The following SENP1 variants were observed in gnomAD, a reference collection of about 807,000 sequenced individuals.
SENP1 encodes sentrin-specific protease 1.
Under a neutral mutation model 93.0 loss-of-function variants are expected in SENP1, and 21 were observed. The observed-to-expected ratio is 0.23, with a 90% CI of 0.16 to 0.33. SENP1 has a LOEUF of 0.33. SENP1 is among the 10% of genes least tolerant of loss of function. The pLI is 1.00. For missense variants in SENP1, 591 were observed against 758.7 expected (o/e 0.78, Z 2.60); for synonymous variants, 256 against 259.6 (o/e 0.99, Z 0.13).
intron 5 of SENP1, chr12:48,085,567 G>C: frequency 2.2e-6 from 1 of 463,302 alleles, no homozygotes; most frequent in Non-Finnish European, 3.8e-6. Flanking sequence ...GGCTAGGTGA[G>C]GCGCTTCTAG....
At chr12:48,048,798 T>C (rs1391508716) in intron 14 of SENP1, 131 bp downstream of exon 14, 1 of 649,696 alleles carries the variant, frequency 1.5e-6, no homozygotes, top group Non-Finnish European at 2.7e-6. Context: ...TATCTGATTT[T>C]AGTCAACCTA....
chr12:48,093,481 A>G (rs1006283646), intron 4 of SENP1, among the ~76,000 whole-genome samples: 1 of 151,842 alleles, frequency 6.6e-6, no homozygotes. Flanking sequence ...ACAGGGTTTT[A>G]CCATGTTGGC....
rs571946781 is a variant in SENP1 at position 48,095,702 on chromosome 12, C to G, written c.220+641G>C. The stretch of plus-strand genomic sequence containing the variant: ...ACAGCCAAGAGGCTAACCAACAAAA[C>G]TCTTAGTTTCTCAAGGCAGGGGCAG... On this transcript the variant is annotated intron_variant, in intron 4 of 17. Coordinates refer to ENST00000549518, the MANE Select transcript of SENP1 (RefSeq NM_001267594.2). 2.7e-4 allele frequency among the ~76,000 whole-genome samples: 41 copies of G among 152,168 alleles called. 1 individual carries two copies. The highest frequency in any genetic ancestry group is 9.9e-4 in the African/African-American group (41 of 41,504).
intron 1 of SENP1, among the ~76,000 whole-genome samples, chr12:48,104,228 T>A (rs796200810): frequency 0.039 from 1,065 of 27,462 alleles, 14 homozygotes; most frequent in African/African-American, 0.17. Flanking sequence ...AAGAAAAAAA[T>A]ATATATAGAG....
chr12:48,085,007 G>C, intron 5 of SENP1: 1 of 846,016 alleles, frequency 1.2e-6, no homozygotes, highest in South Asian at 1.8e-5. Context: ...TGTTAAGAAT[G>C]GGGAAATGAG....
At position 48,065,094 on chromosome 12, in the gene SENP1, T is replaced by C. The variant is rs745483333; in HGVS notation, c.1246A>G (p.Ser416Gly). Residue 416 changes from serine (S) to glycine (G), a missense_variant, in exon 12 of 18, where the codon AGT (serine) becomes GGT (glycine). This residue lies in a region of SENP1 where 238 missense variants were observed against 259.1 expected (regional missense o/e 0.92). Coordinates refer to ENST00000549518, the MANE Select transcript of SENP1 (RefSeq NM_001267594.2). ...GTAATTTCAGGAAATTCATCTTCAC[T>C]ATCAGTTAATTTATGACCTTTTTTT... ...TQKKGHKLTD[S>G]EDEFPEITEE... The C allele has an allele frequency of 1.2e-5, 19 of 1,604,070 alleles. No individual in the cohort carries two copies. The South Asian group carries it at 2.1e-4, about 18-fold the overall frequency.
intron 9 of SENP1, among the ~76,000 whole-genome samples, chr12:48,068,630 G>C (rs1267319052): frequency 6.6e-6 from 1 of 151,968 alleles, no homozygotes; most frequent in Admixed American, 6.6e-5. Context: ...ATAAGTACTT[G>C]GGCTACTCAA....
In SENP1 at chr12:48,063,856, G is replaced by C; in HGVS notation, c.1276-15C>G. The C allele has an allele frequency of 6.2e-7, 1 of 1,602,914 alleles. No homozygotes were observed. The highest frequency in any genetic ancestry group is 8.5e-7 in the Non-Finnish European group (1 of 1,176,136). On this transcript the variant is annotated splice_polypyrimidine_tract_variant and intron_variant, in intron 12 of 17. Transcript: ENST00000549518. ...TTCTCCATTTCCTAAGAAAACAAAA[G>C]GTGTCAAGACATCAAACACGCGTGG...
chr12:48,063,927 A>G (rs1943124546), intron 12 of SENP1, 86 bp from the exon 13 acceptor site: 1 of 1,244,294 alleles, frequency 8.0e-7, no homozygotes, highest in Non-Finnish European at 1.1e-6. Flanking sequence ...TAATCCTCAG[A>G]CTATATTTAT....
At chr12:48,056,918 AAT>A (rs1161311878) in intron 13 of SENP1, among the ~76,000 whole-genome samples, 1 of 31,020 alleles carries the variant, frequency 3.2e-5, no homozygotes, top group Non-Finnish European at 4.4e-5. Context: ...TTACATATAT[AAT>A]ATATTATTTA....
At chr12:48,076,442 A>T (rs1944087672) in intron 6 of SENP1, among the ~76,000 whole-genome samples, 1 of 151,688 alleles carries the variant, frequency 6.6e-6, no homozygotes, top group Non-Finnish European at 1.5e-5. Flanking sequence ...CTCCTGCCTC[A>T]GCCTCTGGAC....
At chr12:48,103,170 T>G (rs112815651) in intron 1 of SENP1, among the ~76,000 whole-genome samples, 2,933 of 152,310 alleles carry the variant, frequency 0.019, 70 homozygotes, top group African/African-American at 0.048. Context: ...AAAAGCTTGG[T>G]GCCCAACAGA....
chr12:48,101,281 G>A (rs553968071), intron 2 of SENP1, among the ~76,000 whole-genome samples, 188 bp downstream of exon 2: 6 of 152,248 alleles, frequency 3.9e-5, no homozygotes, highest in East Asian at 1.9e-4. Flanking sequence ...GCAAGACTAC[G>A]TTTCAAAAAT....
At position 48,066,973 on chromosome 12, in the gene SENP1, T is replaced by C; in HGVS notation, c.996-8A>G. The stretch of plus-strand genomic sequence containing the variant: ...GCCTGGAAGAAAGTAGAACTATGGG[T>C]AGGAAAAGAAAAATTTGACAAATGA... On this transcript the variant is annotated splice_region_variant and splice_polypyrimidine_tract_variant and intron_variant, in intron 9 of 17. Transcript: ENST00000549518. The C allele has an allele frequency of 1.3e-6, 2 of 1,549,834 alleles. No homozygotes were observed. The highest frequency in any genetic ancestry group is 1.7e-6 in the Non-Finnish European group (2 of 1,143,916).
In SENP1 at chr12:48,063,866, C is replaced by T. The variant is rs887595729; in HGVS notation, c.1276-25G>A. The stretch of plus-strand genomic sequence containing the variant: ...CCTAAGAAAACAAAAGGTGTCAAGA[C>T]ATCAAACACGCGTGGCTTCAGAAAA... On this transcript the variant is annotated intron_variant, in intron 12 of 17. Transcript: ENST00000549518. 3.1e-6 allele frequency: 5 copies of T among 1,598,014 alleles called. No individual in the cohort carries two copies. In the East Asian group the frequency reaches 6.7e-5, roughly 21 times the overall value.
intron 13 of SENP1, among the ~76,000 whole-genome samples, chr12:48,057,851 C>T (rs1366813387): frequency 1.3e-5 from 2 of 150,774 alleles, no homozygotes; most frequent in East Asian, 1.9e-4. Context: ...CCCACCTTGG[C>T]CTCGCAAAGT....
At position 48,043,497 on chromosome 12, in the gene SENP1, A is replaced by T. The variant is rs145477943; in HGVS notation, c.*1825T>A. The T allele has an allele frequency of 2.6e-5, 4 of 152,794 alleles. No homozygotes were observed. The East Asian group carries it at 7.7e-4, about 29-fold the overall frequency. The allele number at this position is 152,794 out of a possible 1,614,324, so 9.5% of individuals were successfully genotyped here. A position where few individuals can be genotyped will look rare whatever the true frequency, so the allele number is the denominator to read the frequency against. On this transcript the variant is annotated 3_prime_UTR_variant, in exon 18 of 18. Transcript: ENST00000549518. ...AATACCAAGAACCAGACAATATTCC[A>T]GGAGTCCTGCAATGAGACTGCATGC...
chr12:48,049,237 CTGAAT>C lies in SENP1; in HGVS notation c.1408-110_1408-106del. ...GCATATGTAATTGTTTCCTAATAAA[CTGAAT>C]TAAGTCTTCAACATCCAACAGATTC... On this transcript the variant is annotated intron_variant, in intron 13 of 17. Coordinates refer to ENST00000549518, the MANE Select transcript of SENP1 (RefSeq NM_001267594.2). The C allele has an allele frequency of 4.9e-6, 4 of 820,264 alleles. No individual in the cohort carries two copies. The South Asian group carries it at 6.7e-5, about 14-fold the overall frequency. The allele number at this position is 820,264 out of a possible 1,614,324, so 50.8% of individuals were successfully genotyped here.
chr12:48,056,534 A>C (rs1281965403), intron 13 of SENP1, among the ~76,000 whole-genome samples: 145 of 64,550 alleles, frequency 2.2e-3, no homozygotes, highest in East Asian at 3.5e-3. Flanking sequence ...TACATATATA[A>C]ATATATTATT....
Sources: gnomAD v4.1 joint callset for allele counts (sites outside exome capture counted in the v4.1 genomes callset) on GRCh38, gnomAD v4.1.1 for gene constraint, gnomAD v4.1.1 regional missense constraint, MANE v1.5 for transcripts, NCBI Gene and HGNC (gene_info 2026-07-23, HGNC 2026-07-21) for gene names.